RBFOX1: variants seen among roughly 807,000 people sequenced by gnomAD.
RBFOX1 encodes RNA binding fox-1 homolog 1, also known as RNA binding protein fox-1 homolog 1.
Under a neutral mutation model 57.7 loss-of-function variants are expected in RBFOX1, and 8 were observed. The ratio of observed to expected loss-of-function variants is 0.14; its 90% CI spans 0.08 to 0.25. RBFOX1 has a LOEUF of 0.25. RBFOX1 is among the 10% of genes least tolerant of loss of function. The pLI is 1.00. For missense variants in RBFOX1, 611 were observed against 548.5 expected, an observed-to-expected ratio of 1.11 and a Z score of -1.14; for synonymous variants, 326 against 222.4, an observed-to-expected ratio of 1.47 and a Z score of -4.15.
intron 3 of RBFOX1, among the ~76,000 whole-genome samples, chr16:5,741,939 C>T (rs557923423): frequency 3.3e-5 from 5 of 152,224 alleles, no homozygotes; most frequent in South Asian, 4.1e-4. Context: ...TAGGGATGAA[C>T]GGGAATCATG....
intron 1 of RBFOX1, among the ~76,000 whole-genome samples, chr16:5,416,590 G>A (rs1031789769): frequency 6.6e-6 from 1 of 151,948 alleles, no homozygotes. Flanking sequence ...TTTTCTTATG[G>A]CACTTTAAAG....
At chr16:6,427,279 C>T (rs1203505424) in intron 2 of RBFOX1, among the ~76,000 whole-genome samples, 1 of 152,186 alleles carries the variant, frequency 6.6e-6, no homozygotes, top group East Asian at 1.9e-4. Context: ...TAAAAGCCGT[C>T]CAGAGTATTT....
chr16:5,282,624 T>C (rs1238132215), intron 1 of RBFOX1, among the ~76,000 whole-genome samples: 2 of 152,226 alleles, frequency 1.3e-5, no homozygotes, highest in Admixed American at 6.5e-5. Context: ...TGGTGGCATT[T>C]TGCCCCTGCT....
At chr16:5,929,480 C>T (rs979959457) in intron 4 of RBFOX1, among the ~76,000 whole-genome samples, 1 of 152,172 alleles carries the variant, frequency 6.6e-6, no homozygotes, top group Admixed American at 6.5e-5. Context: ...TCCTATAAGA[C>T]AGCATGACAT....
rs2096748528 is a variant in RBFOX1, at chr16:6,145,193, C to A, written c.-127+125201C>A. Among the ~76,000 whole-genome samples the A allele has an allele frequency of 2.0e-5, 3 of 152,230 alleles. No homozygotes were observed. In the South Asian group the frequency reaches 6.2e-4, roughly 32 times the overall value. ...CTGATCCTCTCCCATTTCCCACCCT[C>A]CACCCTAGGAAAGGCCCTGGGTGTG... On this transcript the variant is annotated intron_variant, in intron 1 of 15. Transcript: ENST00000550418.
At chr16:6,757,007 CAAACAAAA>C (rs1476332921) in intron 3 of RBFOX1, among the ~76,000 whole-genome samples, 24 of 138,596 alleles carry the variant, frequency 1.7e-4, no homozygotes, top group Admixed American at 3.9e-4. Flanking sequence ...AACAAACAAA[CAAACAAAA>C]AACATACAAA....
At chr16:5,809,103 G>C (rs757359251) in intron 3 of RBFOX1, among the ~76,000 whole-genome samples, 19 of 152,182 alleles carry the variant, frequency 1.2e-4, no homozygotes, top group Non-Finnish European at 1.9e-4. Context: ...ATGGTGGTGG[G>C]AAAACTGGCT....
chr16:7,569,875 C>T (rs990566167), intron 5 of RBFOX1, among the ~76,000 whole-genome samples: 3 of 152,016 alleles, frequency 2.0e-5, no homozygotes, highest in Non-Finnish European at 4.4e-5. Context: ...AAAAACAAAA[C>T]AAAACAATAC....
chr16:6,735,184 C>T (rs1050018309), intron 3 of RBFOX1, among the ~76,000 whole-genome samples: 2 of 151,456 alleles, frequency 1.3e-5, no homozygotes, highest in African/African-American at 2.4e-5. Context: ...ACAACAACAT[C>T]AACAACGAAA....
chr16:6,578,292 A>G (rs141936465), intron 2 of RBFOX1, among the ~76,000 whole-genome samples: 1,816 of 152,238 alleles, frequency 0.012, 23 homozygotes, highest in Admixed American at 0.026. Context: ...CCTAAAATGG[A>G]TCATCATGTA....
intron 3 of RBFOX1, among the ~76,000 whole-genome samples, chr16:5,853,579 G>A (rs2056950331): frequency 6.6e-6 from 1 of 152,142 alleles, no homozygotes; most frequent in Non-Finnish European, 1.5e-5. Context: ...TTTGTCTGTG[G>A]CAACAAGCAT....
chr16:5,516,731 A>G (rs886609938), intron 2 of RBFOX1, among the ~76,000 whole-genome samples: 1 of 151,982 alleles, frequency 6.6e-6, no homozygotes, highest in African/African-American at 2.4e-5. Context: ...GTTTTTTTGC[A>G]TGCTGTTCTC....
At chr16:7,456,026 T>G (rs191720495) in intron 4 of RBFOX1, among the ~76,000 whole-genome samples, 1 of 152,258 alleles carries the variant, frequency 6.6e-6, no homozygotes. Flanking sequence ...TGCATGGTCA[T>G]GCAGGGCCCC....
intron 2 of RBFOX1, among the ~76,000 whole-genome samples, chr16:6,442,048 A>G (rs1567282606): frequency 6.6e-6 from 1 of 152,134 alleles, no homozygotes; most frequent in East Asian, 1.9e-4. Flanking sequence ...CAAGCTTTTA[A>G]TTCTTCCAAG....
chr16:7,224,051 T>G (rs755922005), intron 4 of RBFOX1, among the ~76,000 whole-genome samples: 22 of 146,006 alleles, frequency 1.5e-4, no homozygotes, highest in Non-Finnish European at 2.2e-4. Flanking sequence ...ACCTTTGGGA[T>G]GCATCAGAGG....
chr16:7,278,952 G>A (rs1341414117), intron 4 of RBFOX1, among the ~76,000 whole-genome samples: 1 of 151,934 alleles, frequency 6.6e-6, no homozygotes, highest in Non-Finnish European at 1.5e-5. Context: ...GCTTTCTTCT[G>A]GCTTTTTTTT....
intron 4 of RBFOX1, among the ~76,000 whole-genome samples, chr16:5,988,101 C>G (rs1228586140): frequency 6.6e-6 from 1 of 152,188 alleles, no homozygotes; most frequent in Non-Finnish European, 1.5e-5. Context: ...GCAGAAAATT[C>G]AGACCCGATT....
intron 2 of RBFOX1, among the ~76,000 whole-genome samples, chr16:6,499,678 G>A (rs1430628084): frequency 6.6e-6 from 1 of 151,980 alleles, no homozygotes; most frequent in East Asian, 1.9e-4. Flanking sequence ...CATCACTTCA[G>A]TGACCCCAGA....
At chr16:6,836,528 A>T (rs992643793) in intron 3 of RBFOX1, among the ~76,000 whole-genome samples, 2 of 152,190 alleles carry the variant, frequency 1.3e-5, no homozygotes, top group Non-Finnish European at 2.9e-5. Context: ...GCCTTAGGGT[A>T]TGACCACGAA....
Sources: gnomAD v4.1 joint callset for allele counts (sites outside exome capture counted in the v4.1 genomes callset) on GRCh38, gnomAD v4.1.1 for gene constraint, MANE v1.5 for transcripts, NCBI Gene and HGNC (gene_info 2026-07-23, HGNC 2026-07-21) for gene names.